The following POU6F2 variants were observed in gnomAD, a reference collection of about 807,000 sequenced individuals.
POU6F2 encodes the protein POU domain, class 6, transcription factor 2.
POU6F2 carries 31 observed loss-of-function variants against 71.3 expected under a neutral mutation model. The ratio of observed to expected loss-of-function variants is 0.43; its 90% CI spans 0.33 to 0.59. The LOEUF is 0.59. Ranked by LOEUF, POU6F2 falls within the 20% of genes least tolerant of loss-of-function variation. The pLI is 0.04. For missense variants in POU6F2, 783 were observed against 856.8 expected, an observed-to-expected ratio of 0.91 and a Z score of 1.07; for synonymous variants, 347 against 355.7, an observed-to-expected ratio of 0.98 and a Z score of 0.27.
At chr7:39,440,307 A>G (rs891747411) in intron 7 of POU6F2, among the ~76,000 whole-genome samples, 1 of 152,074 alleles carries the variant, frequency 6.6e-6, no homozygotes, top group Non-Finnish European at 1.5e-5. Context: ...TCCCTATCTC[A>G]TTCTGGTACT....
chr7:39,329,963 A>G (rs1400112821), intron 4 of POU6F2, among the ~76,000 whole-genome samples: 6 of 152,178 alleles, frequency 3.9e-5, no homozygotes. Flanking sequence ...TAGTTTTGAA[A>G]CTAATTTTTG....
intron 6 of POU6F2, among the ~76,000 whole-genome samples, chr7:39,423,151 C>T (rs1787890471): frequency 6.6e-6 from 1 of 152,136 alleles, no homozygotes; most frequent in African/African-American, 2.4e-5. Flanking sequence ...AGGAGATCAC[C>T]TAAAGTCATT....
At chr7:39,283,013 A>G (rs4599719) in intron 4 of POU6F2, among the ~76,000 whole-genome samples, 41,813 of 151,892 alleles carry the variant, frequency 0.28, 6,590 homozygotes, top group African/African-American at 0.43. Context: ...GGTCAAATTT[A>G]TTCTTAGGTA....
intron 5 of POU6F2, among the ~76,000 whole-genome samples, chr7:39,393,099 T>C (rs1156661920): frequency 2.0e-5 from 3 of 152,214 alleles, no homozygotes; most frequent in African/African-American, 7.2e-5. Context: ...AAACTTTTTA[T>C]ATTTTCTTGG....
intron 2 of POU6F2, among the ~76,000 whole-genome samples, chr7:39,091,480 G>A (rs1362220091): frequency 5.9e-5 from 9 of 152,002 alleles, no homozygotes; most frequent in Admixed American, 5.2e-4. Flanking sequence ...CTTATATTTT[G>A]TTGTTGTCAT....
intron 2 of POU6F2, among the ~76,000 whole-genome samples, chr7:39,172,476 C>G (rs1451395794): frequency 6.6e-6 from 1 of 152,054 alleles, no homozygotes; most frequent in Non-Finnish European, 1.5e-5. Flanking sequence ...TCACTAGAAT[C>G]TTGTTATTTT....
At chr7:39,458,013 A>G (rs1283689010) in intron 8 of POU6F2, among the ~76,000 whole-genome samples, 1 of 54,298 alleles carries the variant, frequency 1.8e-5, no homozygotes, top group Non-Finnish European at 4.2e-5. Context: ...CTTCCTCCCC[A>G]CCCCGCCCCC....
intron 2 of POU6F2, among the ~76,000 whole-genome samples, chr7:39,146,336 A>G (rs1039954784): frequency 6.6e-6 from 1 of 152,176 alleles, no homozygotes; most frequent in Non-Finnish European, 1.5e-5. Flanking sequence ...AGGGTGCCTG[A>G]GGGCAGGAAG....
intron 5 of POU6F2, among the ~76,000 whole-genome samples, chr7:39,369,971 C>G (rs1476714483): frequency 2.6e-5 from 4 of 152,054 alleles, no homozygotes; most frequent in African/African-American, 9.7e-5. Context: ...TGCCACCGCA[C>G]CCAGCCTAAA....
intron 2 of POU6F2, among the ~76,000 whole-genome samples, chr7:39,150,225 CTGTGTGTGTGTG>C (rs60761447): frequency 3.5e-5 from 5 of 141,160 alleles, no homozygotes; most frequent in Non-Finnish European, 6.1e-5. Context: ...AGTAATATGT[CTGTGTGTGTGTG>C]TGTGTGTGTG....
At chr7:39,058,830 G>A (rs1435823702) in intron 1 of POU6F2, among the ~76,000 whole-genome samples, 3 of 152,094 alleles carry the variant, frequency 2.0e-5, no homozygotes, top group Non-Finnish European at 4.4e-5. Context: ...TAAATTGTGG[G>A]TGATTTACAC....
intron 2 of POU6F2, among the ~76,000 whole-genome samples, chr7:39,167,476 T>G (rs1459726666): frequency 2.0e-5 from 3 of 152,106 alleles, no homozygotes; most frequent in Non-Finnish European, 4.4e-5. Context: ...TCTATGAACA[T>G]TGTATGGATA....
intron 2 of POU6F2, among the ~76,000 whole-genome samples, chr7:39,149,099 A>G (rs1215705982): frequency 1.3e-5 from 2 of 152,180 alleles, no homozygotes; most frequent in Non-Finnish European, 1.5e-5. Flanking sequence ...GAAGGGGTCA[A>G]GGGGTTATCA....
chr7:39,299,336 G>T (rs1354297550), intron 4 of POU6F2, among the ~76,000 whole-genome samples: 1 of 151,928 alleles, frequency 6.6e-6, no homozygotes, highest in African/African-American at 2.4e-5. Context: ...CTTATCTGTT[G>T]ACCCTTTTGG....
At chr7:39,111,818 G>A (rs1791820095) in intron 2 of POU6F2, among the ~76,000 whole-genome samples, 1 of 151,966 alleles carries the variant, frequency 6.6e-6, no homozygotes, top group African/African-American at 2.4e-5. Context: ...GAAAGCCATT[G>A]GAGGTATTTC....
chr7:39,384,809 C>T (rs1422416675), intron 5 of POU6F2, among the ~76,000 whole-genome samples: 1 of 152,186 alleles, frequency 6.6e-6, no homozygotes, highest in Non-Finnish European at 1.5e-5. Context: ...TATCCATTTG[C>T]TATTTGTCTC....
intron 1 of POU6F2, among the ~76,000 whole-genome samples, chr7:38,980,951 G>A (rs970889453): frequency 6.6e-6 from 1 of 152,252 alleles, no homozygotes; most frequent in African/African-American, 2.4e-5. Context: ...GCTCATATAT[G>A]CCTTTCCCCT....
In POU6F2 at chr7:39,156,346, T is replaced by C. The variant is rs149043642; in HGVS notation, c.278-47889T>C. 2.2e-4 allele frequency among the ~76,000 whole-genome samples: 33 copies of C among 152,344 alleles called. No individual in the cohort carries two copies. In the East Asian group the frequency reaches 5.8e-3, roughly 27 times the overall value. On this transcript the variant is annotated intron_variant, in intron 2 of 9. Coordinates refer to ENST00000518318, the MANE Select transcript of POU6F2 (RefSeq NM_001370959.1). ...ATTGACTTTTGAGGCTTTTCCATTATTCAGTAGATATTTTGCAATTTCACA... is the reference window on the plus strand; with the variant it reads ...ATTGACTTTTGAGGCTTTTCCATTACTCAGTAGATATTTTGCAATTTCACA...
chr7:39,130,645 G>A (rs955314608), intron 2 of POU6F2, among the ~76,000 whole-genome samples: 2 of 141,170 alleles, frequency 1.4e-5, no homozygotes, highest in Non-Finnish European at 3.0e-5. Flanking sequence ...TCATAATAGA[G>A]TTTATTACTC....
Sources: gnomAD v4.1 joint callset for allele counts (sites outside exome capture counted in the v4.1 genomes callset) on GRCh38, gnomAD v4.1.1 for gene constraint, MANE v1.5 for transcripts, NCBI Gene and HGNC (gene_info 2026-07-23, HGNC 2026-07-21) for gene names.